The following PIP5K1B variants were observed in gnomAD, a reference collection of about 807,000 sequenced individuals.
PIP5K1B encodes the protein phosphatidylinositol 4-phosphate 5-kinase type-1 beta.
A neutral mutation model predicts 67.0 loss-of-function variants in PIP5K1B; 42 were observed. The observed-to-expected ratio is 0.63, with a 90% CI of 0.49 to 0.81. The LOEUF (loss-of-function observed/expected upper bound fraction) is 0.81, where lower values mean the gene tolerates loss of function less well. Among genes scored for constraint, PIP5K1B ranks in the 30% least tolerant of loss-of-function variants. The pLI, the probability that PIP5K1B is intolerant of heterozygous loss-of-function variation, is 0.00. For synonymous variants in PIP5K1B, 214 were observed against 231.4 expected (o/e 0.92, Z 0.68); for missense variants, 459 against 646.3 (o/e 0.71, Z 3.14).
chr9:68,730,293 A>G (rs1828361190), intron 1 of PIP5K1B, among the ~76,000 whole-genome samples: 1 of 152,228 alleles, frequency 6.6e-6, no homozygotes, highest in Non-Finnish European at 1.5e-5. Context: ...ATCATAGGAT[A>G]TAGAAAATAA....
At chr9:68,811,839 T>C (rs1260073332) in intron 2 of PIP5K1B, among the ~76,000 whole-genome samples, 1 of 152,208 alleles carries the variant, frequency 6.6e-6, no homozygotes, top group Non-Finnish European at 1.5e-5. Flanking sequence ...TGATAAACTC[T>C]CTTTATTGCC....
intron 14 of PIP5K1B, among the ~76,000 whole-genome samples, chr9:68,987,875 A>T (rs1830160741): frequency 6.6e-6 from 1 of 152,200 alleles, no homozygotes; most frequent in African/African-American, 2.4e-5. Context: ...TGATTTAATT[A>T]TCTCCCACCA....
chr9:68,720,124 T>C (rs991927706), intron 1 of PIP5K1B, among the ~76,000 whole-genome samples: 2 of 152,372 alleles, frequency 1.3e-5, no homozygotes, highest in African/African-American at 2.4e-5. Flanking sequence ...ATTATCATTG[T>C]TGAATGAACT....
chr9:68,739,454 T>C (rs1452719556), intron 1 of PIP5K1B, among the ~76,000 whole-genome samples: 1 of 152,236 alleles, frequency 6.6e-6, no homozygotes, highest in African/African-American at 2.4e-5. Context: ...ACCTTTATTT[T>C]GACTGACAAA....
rs146943031 is a variant in PIP5K1B at position 68,835,030 on chromosome 9, G to C, written c.69+12347G>C. ...TAGATGACAGTAACTTGTCAGGGGA[G>C]GTCAGGATTTGGGATCGTTTGGCAG... On this transcript the variant is annotated intron_variant, in intron 4 of 15. Transcript: ENST00000265382. Among the ~76,000 whole-genome samples the C allele has an allele frequency of 1.4e-4, 22 of 152,332 alleles. No homozygotes were observed. In the East Asian group the frequency reaches 4.2e-3, roughly 29 times the overall value.
intron 15 of PIP5K1B, among the ~76,000 whole-genome samples, chr9:69,005,524 G>C (rs1028459082): frequency 3.3e-4 from 50 of 152,106 alleles, no homozygotes; most frequent in Non-Finnish European, 4.4e-5. Flanking sequence ...TTACAGGCAT[G>C]CGCCACCACA....
intron 1 of PIP5K1B, among the ~76,000 whole-genome samples, chr9:68,720,833 T>C (rs1827847994): frequency 6.6e-6 from 1 of 152,254 alleles, no homozygotes; most frequent in African/African-American, 2.4e-5. Flanking sequence ...CAGGAAATCC[T>C]TAGATCCTTT....
intron 14 of PIP5K1B, among the ~76,000 whole-genome samples, chr9:68,984,343 T>C (rs572308222): frequency 6.6e-6 from 1 of 152,338 alleles, no homozygotes; most frequent in Admixed American, 6.5e-5. Flanking sequence ...TTTTGGGTGC[T>C]AGGTAGTATC....
intron 2 of PIP5K1B, chr9:68,788,201 T>C (rs973727897): frequency 1.1e-4 from 35 of 319,180 alleles, no homozygotes; most frequent in South Asian, 1.0e-3. Context: ...GAAAAAGGAA[T>C]GTGTGGGCCC....
intron 1 of PIP5K1B, among the ~76,000 whole-genome samples, chr9:68,714,942 C>T (rs1019381130): frequency 3.3e-5 from 5 of 152,170 alleles, no homozygotes; most frequent in African/African-American, 1.2e-4. Context: ...ATACTCTGCC[C>T]CTGAGTTCCC....
At chr9:68,806,413 A>G (rs1361984230) in intron 2 of PIP5K1B, among the ~76,000 whole-genome samples, 1 of 152,126 alleles carries the variant, frequency 6.6e-6, no homozygotes, top group Non-Finnish European at 1.5e-5. Flanking sequence ...CATCCTCATG[A>G]CTATTGCAGC....
intron 14 of PIP5K1B, among the ~76,000 whole-genome samples, chr9:68,990,120 T>C (rs1830294511): frequency 6.6e-6 from 1 of 152,216 alleles, no homozygotes; most frequent in Non-Finnish European, 1.5e-5. Flanking sequence ...CTTTTGGTAT[T>C]GTCGTAGTTA....
At chr9:68,736,765 A>G (rs565234145) in intron 1 of PIP5K1B, among the ~76,000 whole-genome samples, 15 of 152,288 alleles carry the variant, frequency 9.8e-5, no homozygotes, top group African/African-American at 2.9e-4. Flanking sequence ...CACTTTTGTT[A>G]TTACTTTGGG....
At chr9:68,828,468 CTTTGT>C (rs1302161841) in intron 4 of PIP5K1B, among the ~76,000 whole-genome samples, 3 of 152,290 alleles carry the variant, frequency 2.0e-5, no homozygotes, top group East Asian at 1.9e-4. Context: ...GTTTTTTTCA[CTTTGT>C]TTTATCTTTG....
At chr9:68,821,527 T>C (rs1226360633) in intron 3 of PIP5K1B, among the ~76,000 whole-genome samples, 1 of 152,184 alleles carries the variant, frequency 6.6e-6, no homozygotes, top group African/African-American at 2.4e-5. Context: ...CAGGAGATGA[T>C]TTCTTTTACC....
At chr9:68,953,805 TAAAA>T (rs71353095) in intron 14 of PIP5K1B, among the ~76,000 whole-genome samples, 6 of 108,602 alleles carry the variant, frequency 5.5e-5, no homozygotes, top group Admixed American at 1.1e-4. Flanking sequence ...GACTCTGTCT[TAAAA>T]AAAAAAAAAA....
At chr9:68,925,782 G>A (rs1047473342) in intron 12 of PIP5K1B, among the ~76,000 whole-genome samples, 2 of 91,136 alleles carry the variant, frequency 2.2e-5, no homozygotes, top group Admixed American at 1.1e-4. Flanking sequence ...ATGAATACCA[G>A]CTTGTGGTTC....
At chr9:68,968,977 G>A (rs1041577040) in intron 14 of PIP5K1B, among the ~76,000 whole-genome samples, 3 of 152,158 alleles carry the variant, frequency 2.0e-5, no homozygotes, top group African/African-American at 7.2e-5. Flanking sequence ...ACCTGGGTTG[G>A]AAACCTGTGT....
chr9:68,908,847 CA>C (rs1360345995), intron 8 of PIP5K1B, among the ~76,000 whole-genome samples: 1 of 152,120 alleles, frequency 6.6e-6, no homozygotes, highest in African/African-American at 2.4e-5. Context: ...ATTGAATTAA[CA>C]AAAATGTATT....
Sources: gnomAD v4.1 joint callset for allele counts (sites outside exome capture counted in the v4.1 genomes callset) on GRCh38, gnomAD v4.1.1 for gene constraint, MANE v1.5 for transcripts, NCBI Gene and HGNC (gene_info 2026-07-23, HGNC 2026-07-21) for gene names.